PCDH15: variants seen among roughly 807,000 people sequenced by gnomAD.
PCDH15 encodes protocadherin related 15, also known as protocadherin-15.
In PCDH15, 129 loss-of-function variants were observed where a neutral mutation model predicts 178.5. The observed-to-expected ratio is 0.72, with a 90% CI of 0.63 to 0.84. The LOEUF is 0.84. Among genes scored for constraint, PCDH15 ranks in the 40% least tolerant of loss-of-function variants. The pLI is 0.00. For synonymous variants in PCDH15, 800 were observed against 732.0 expected (o/e 1.09, Z -1.50); for missense variants, 2,230 against 2,099.9 (o/e 1.06, Z -1.21).
intron 2 of PCDH15, chr10:55,512,995 T>C (rs888834007): frequency 1.3e-5 from 2 of 152,238 alleles, no homozygotes; most frequent in African/African-American, 4.8e-5. Flanking sequence ...TTGGCTTCAT[T>C]TGGAACATTG....
chr10:55,044,938 T>C (rs1470381370), intron 2 of PCDH15, among the ~76,000 whole-genome samples: 1 of 152,094 alleles, frequency 6.6e-6, no homozygotes, highest in Admixed American at 6.6e-5. Context: ...AGCTGTTGAA[T>C]ATTGCTGAAG....
intron 5 of PCDH15, among the ~76,000 whole-genome samples, chr10:54,362,458 G>A (rs375037986): frequency 6.6e-6 from 1 of 152,090 alleles, no homozygotes. Context: ...GATTCTTTCA[G>A]AAACTCAAGG....
intron 21 of PCDH15, among the ~76,000 whole-genome samples, chr10:53,981,753 G>A (rs2134624108): frequency 6.6e-6 from 1 of 150,996 alleles, no homozygotes; most frequent in Non-Finnish European, 1.5e-5. Flanking sequence ...CAGGACATAG[G>A]CATGGGCAAG....
chr10:54,700,817 C>T (rs2095299736), intron 1 of PCDH15, among the ~76,000 whole-genome samples: 1 of 151,942 alleles, frequency 6.6e-6, no homozygotes, highest in Non-Finnish European at 1.5e-5. Flanking sequence ...GAAAATTCTC[C>T]AACCTCACCC....
chr10:55,592,298 G>A (rs1842858612), intron 2 of PCDH15, among the ~76,000 whole-genome samples: 1 of 152,096 alleles, frequency 6.6e-6, no homozygotes, highest in African/African-American at 2.4e-5. Context: ...TAAAAAGCAG[G>A]AGCAAGTGAC....
intron 1 of PCDH15, among the ~76,000 whole-genome samples, chr10:54,751,162 T>G (rs1221449503): frequency 6.6e-6 from 1 of 152,152 alleles, no homozygotes; most frequent in Non-Finnish European, 1.5e-5. Context: ...GTTTTCAAAG[T>G]ATCATTTAGA....
At chr10:54,584,250 C>T (rs984884419) in intron 2 of PCDH15, among the ~76,000 whole-genome samples, 3 of 151,994 alleles carry the variant, frequency 2.0e-5, no homozygotes, top group Non-Finnish European at 4.4e-5. Context: ...TAAAATTAGT[C>T]ATGTGTGGTA....
intron 2 of PCDH15, among the ~76,000 whole-genome samples, chr10:55,096,842 A>G (rs1171117860): frequency 2.0e-5 from 3 of 152,110 alleles, no homozygotes; most frequent in African/African-American, 7.2e-5. Context: ...TTTTTCTAAA[A>G]CTTTTAAAAA....
At chr10:54,752,034 A>G (rs1946299131) in intron 1 of PCDH15, among the ~76,000 whole-genome samples, 1 of 152,180 alleles carries the variant, frequency 6.6e-6, no homozygotes, top group African/African-American at 2.4e-5. Context: ...GTTATTCAAT[A>G]TATTTTATTC....
At chr10:54,648,940 ATCTAAG>A (rs1296834993) in intron 2 of PCDH15, among the ~76,000 whole-genome samples, 1 of 152,176 alleles carries the variant, frequency 6.6e-6, no homozygotes, top group Non-Finnish European at 1.5e-5. Flanking sequence ...TTAAAACATT[ATCTAAG>A]TCTAAGCCTT....
At chr10:54,269,968 TA>T (rs966474113) in intron 8 of PCDH15, among the ~76,000 whole-genome samples, 1 of 152,070 alleles carries the variant, frequency 6.6e-6, no homozygotes, top group East Asian at 1.9e-4. Flanking sequence ...ACCCATAATT[TA>T]AAAATATGTT....
chr10:53,969,349 G>A (rs1428257162), intron 21 of PCDH15, among the ~76,000 whole-genome samples: 1 of 152,164 alleles, frequency 6.6e-6, no homozygotes, highest in East Asian at 1.9e-4. Flanking sequence ...CAAGAAATAT[G>A]GAACTATGTG....
At chr10:53,821,520 G>A in intron 32 of PCDH15, 1 of 1,048,526 alleles carries the variant, frequency 9.5e-7, no homozygotes, top group Non-Finnish European at 1.2e-6. Context: ...AAATGTTACT[G>A]CATCCACATG....
At chr10:54,237,031 G>C in intron 8 of PCDH15, 100 bp from the exon 9 acceptor site, 1 of 1,007,012 alleles carries the variant, frequency 9.9e-7, no homozygotes, top group Non-Finnish European at 1.6e-6. Flanking sequence ...TAACGTCTGA[G>C]ACAGTAAACT....
intron 2 of PCDH15, among the ~76,000 whole-genome samples, chr10:55,559,836 G>A (rs1842160568): frequency 6.6e-6 from 1 of 151,774 alleles, no homozygotes; most frequent in South Asian, 2.1e-4. Context: ...AAAGAAAAAT[G>A]TTTTTCAACA....
intron 28 of PCDH15, among the ~76,000 whole-genome samples, chr10:53,844,351 C>T (rs1327979348): frequency 6.6e-6 from 1 of 152,028 alleles, no homozygotes; most frequent in Non-Finnish European, 1.5e-5. Context: ...TCATTAAATG[C>T]TCAGCCTACT....
At chr10:55,510,928 G>A (rs1028441456) in intron 2 of PCDH15, among the ~76,000 whole-genome samples, 4 of 151,022 alleles carry the variant, frequency 2.6e-5, no homozygotes, top group Non-Finnish European at 5.9e-5. Context: ...TGGAGTGATC[G>A]TGGCTTACTA....
At chr10:55,303,116 C>CAT (rs371607919) in intron 1 of PCDH15, among the ~76,000 whole-genome samples, 50 of 151,780 alleles carry the variant, frequency 3.3e-4, no homozygotes, top group African/African-American at 1.1e-3. Flanking sequence ...CACACACACA[C>CAT]GGAAATGTTT....
In PCDH15 at chr10:54,236,916, T is replaced by C. The variant is rs2054686070; in HGVS notation, c.892A>G (p.Ile298Val). Residue 298 changes from isoleucine to valine, a missense_variant, in exon 9 of 38, where the codon ATT (isoleucine) becomes GTT (valine). Ile to Val is a conservative substitution (Grantham distance 29). Transcript: ENST00000644397. ...ELRTPEELNPIIVTPPIQAID... is the reference protein window; with the variant it reads ...ELRTPEELNPVIVTPPIQAID... ...GCTTGGATTGGTGGCGTAACAATAATGGGGTTCAGTTCTTCCTGAAAAAAA... is the reference window on the plus strand; with the variant it reads ...GCTTGGATTGGTGGCGTAACAATAACGGGGTTCAGTTCTTCCTGAAAAAAA... 2.5e-6 allele frequency: 4 copies of C among 1,613,288 alleles called. No homozygotes were observed. The highest frequency in any genetic ancestry group is 3.4e-6 in the Non-Finnish European group (4 of 1,179,476).
Sources: gnomAD v4.1 joint callset for allele counts (sites outside exome capture counted in the v4.1 genomes callset) on GRCh38, gnomAD v4.1.1 for gene constraint, MANE v1.5 for transcripts, NCBI Gene and HGNC (gene_info 2026-07-23, HGNC 2026-07-21) for gene names.